Variants in PTGER3 observed in about 807,000 individuals in gnomAD.
PTGER3 encodes prostaglandin E receptor 3, also known as prostaglandin E2 receptor EP3 subtype.
Under a neutral mutation model 34.7 loss-of-function variants are expected in PTGER3, and 22 were observed. That is an observed-to-expected ratio of 0.63 (90% confidence interval 0.45 to 0.91). The LOEUF (loss-of-function observed/expected upper bound fraction) is 0.91. PTGER3 is among the 40% of genes least tolerant of loss of function. The pLI is 0.00. For missense variants in PTGER3, 468 were observed against 519.4 expected, an observed-to-expected ratio of 0.90 and a Z score of 0.96; for synonymous variants, 241 against 230.1, an observed-to-expected ratio of 1.05 and a Z score of -0.43.
At position 70,912,556 on chromosome 1, in the gene PTGER3, A is replaced by G. The variant is rs184016243; in HGVS notation, c.*23+41207T>C. ...GTTGGAACCACTATTTTAAATCTCAAAATGAAAGGTACATGTACAGAATTT... is the reference window on the plus strand; with the variant it reads ...GTTGGAACCACTATTTTAAATCTCAGAATGAAAGGTACATGTACAGAATTT... On this transcript the variant is annotated intron_variant, in intron 4 of 4. Transcript: ENST00000370931. Among the ~76,000 whole-genome samples the G allele has an allele frequency of 1.2e-4, 18 of 152,152 alleles. No homozygotes were observed. In the East Asian group the frequency reaches 3.1e-3, roughly 26 times the overall value.
At chr1:70,961,459 C>A (rs778604873) in intron 2 of PTGER3, among the ~76,000 whole-genome samples, 1 of 152,168 alleles carries the variant, frequency 6.6e-6, no homozygotes, top group Non-Finnish European at 1.5e-5. Context: ...TTTTTATGAA[C>A]ATGTGCCTTG....
intron 4 of PTGER3, among the ~76,000 whole-genome samples, chr1:70,914,615 T>A (rs979163408): frequency 1.3e-5 from 2 of 151,938 alleles, no homozygotes; most frequent in Non-Finnish European, 2.9e-5. Flanking sequence ...TGTGATTATA[T>A]CTCTGATAGG....
In PTGER3 at chr1:70,876,052, G is replaced by A. The variant is rs144874421; in HGVS notation, c.*24-23193C>T. Among the ~76,000 whole-genome samples the A allele has an allele frequency of 6.5e-3, 990 of 152,194 alleles. 12 individuals are homozygous for A. Among genetic ancestry groups the A allele is most frequent in the African/African-American group, 0.022 (929 of 41,544 alleles). ...AATGGCTGAACTAATTTACATTCCC[G>A]CCAGCAGTGTATAAACGTTTCCTTT... On this transcript the variant is annotated intron_variant, in intron 4 of 4. Coordinates refer to the PTGER3 transcript ENST00000370931.
chr1:70,872,787 C>T (rs1056128698), intron 4 of PTGER3, among the ~76,000 whole-genome samples: 3 of 152,128 alleles, frequency 2.0e-5, no homozygotes, highest in Admixed American at 6.5e-5. Context: ...CTTGCCACAC[C>T]ATAGAGTTGT....
At chr1:70,990,439 T>C (rs1356114791) in intron 2 of PTGER3, among the ~76,000 whole-genome samples, 4 of 112,620 alleles carry the variant, frequency 3.6e-5, no homozygotes, top group African/African-American at 1.4e-4. Context: ...TGTATCAATG[T>C]ATAATATATA....
intron 4 of PTGER3, among the ~76,000 whole-genome samples, chr1:70,890,195 A>G (rs914281808): frequency 6.6e-6 from 1 of 152,218 alleles, no homozygotes; most frequent in Non-Finnish European, 1.5e-5. Context: ...CAACAAAAGT[A>G]ATAATAACAA....
At chr1:70,988,771 A>C (rs1443348601) in intron 2 of PTGER3, among the ~76,000 whole-genome samples, 1 of 152,110 alleles carries the variant, frequency 6.6e-6, no homozygotes, top group Non-Finnish European at 1.5e-5. Context: ...TCTGAAGCTG[A>C]CCAAAACCTA....
chr1:70,878,092 G>A (rs140128408), intron 4 of PTGER3, among the ~76,000 whole-genome samples: 18 of 152,162 alleles, frequency 1.2e-4, no homozygotes, highest in East Asian at 9.7e-4. Context: ...CTGTGAATCC[G>A]TCTGGTTCTG....
At chr1:70,884,621 T>C (rs1646459612) in intron 4 of PTGER3, among the ~76,000 whole-genome samples, 1 of 152,200 alleles carries the variant, frequency 6.6e-6, no homozygotes, top group South Asian at 2.1e-4. Flanking sequence ...AAGACCAAGC[T>C]AATGCATACC....
chr1:70,873,946 T>A (rs1228791593), intron 4 of PTGER3, among the ~76,000 whole-genome samples: 1 of 152,170 alleles, frequency 6.6e-6, no homozygotes, highest in African/African-American at 2.4e-5. Flanking sequence ...AGTGGTCTCT[T>A]GTTTGGTCTC....
chr1:71,017,905 C>T (rs1658055082), intron 1 of PTGER3, among the ~76,000 whole-genome samples: 1 of 152,180 alleles, frequency 6.6e-6, no homozygotes, highest in Admixed American at 6.5e-5. Context: ...GCTGGGATCA[C>T]AGGCACGTGC....
chr1:70,854,157 A>C (rs1184104343), intron 4 of PTGER3, among the ~76,000 whole-genome samples: 6 of 152,184 alleles, frequency 3.9e-5, no homozygotes, highest in Admixed American at 3.9e-4. Flanking sequence ...TTGCACATGA[A>C]AGGAAGCAAT....
In PTGER3 at chr1:70,938,654, T is replaced by A. The variant is rs521870; in HGVS notation, c.*23+15109A>T. Among the ~76,000 whole-genome samples, 27 of 151,810 alleles carry A rather than the reference T, an allele frequency of 1.8e-4. 1 individual carries two copies. The highest frequency in any genetic ancestry group is 1.9e-4 in the East Asian group (1 of 5,148). ...AATCATGGCAGGAGGTGAAAGGCAC[T>A]TCTTACATGGTGGCGGCAAGAGAAA... On this transcript the variant is annotated intron_variant, in intron 4 of 4. Coordinates refer to the PTGER3 transcript ENST00000370931.
At chr1:70,959,384 T>A in intron 2 of PTGER3, among the ~76,000 whole-genome samples, 1 of 150,576 alleles carries the variant, frequency 6.6e-6, no homozygotes, top group Admixed American at 6.6e-5. Context: ...GGAGTCTCAC[T>A]CTGTTGCCCA....
intron 4 of PTGER3, among the ~76,000 whole-genome samples, chr1:70,855,236 A>C (rs1645775369): frequency 6.6e-6 from 1 of 152,130 alleles, no homozygotes; most frequent in Admixed American, 6.6e-5. Context: ...AGAGACCAAC[A>C]CTGTATGATT....
chr1:70,907,251 T>G (rs1373491621), intron 4 of PTGER3, among the ~76,000 whole-genome samples: 1 of 152,206 alleles, frequency 6.6e-6, no homozygotes, highest in Non-Finnish European at 1.5e-5. Context: ...TCTTCATTCC[T>G]TAGTCTGAAA....
downstream of PTGER3, among the ~76,000 whole-genome samples, chr1:70,966,069 G>A (rs1263660047): frequency 1.3e-5 from 2 of 152,124 alleles, no homozygotes; most frequent in Non-Finnish European, 2.9e-5. Context: ...CACTTACTAA[G>A]GCTCTGGTGT....
At chr1:70,977,436 A>T (rs867066893) in intron 2 of PTGER3, among the ~76,000 whole-genome samples, 1 of 151,934 alleles carries the variant, frequency 6.6e-6, no homozygotes, top group Non-Finnish European at 1.5e-5. Context: ...GCTACTTTCC[A>T]TCATGTCATT....
chr1:70,861,928 G>T (rs1645936629), intron 4 of PTGER3, among the ~76,000 whole-genome samples: 1 of 151,246 alleles, frequency 6.6e-6, no homozygotes. Flanking sequence ...TTCCCTCCTT[G>T]GAGCTCAGGA....
Sources: gnomAD v4.1 joint callset for allele counts (sites outside exome capture counted in the v4.1 genomes callset) on GRCh38, gnomAD v4.1.1 for gene constraint, MANE v1.5 for transcripts, NCBI Gene and HGNC (gene_info 2026-07-23, HGNC 2026-07-21) for gene names.